Variants in KCNT2 observed in about 807,000 individuals in gnomAD.
KCNT2 encodes the protein potassium sodium-activated channel subfamily T member 2.
Under a neutral mutation model 153.8 loss-of-function variants are expected in KCNT2, and 67 were observed. That is an observed-to-expected ratio of 0.44 (90% CI 0.36 to 0.53). The LOEUF (loss-of-function observed/expected upper bound fraction) is 0.53. Among genes scored for constraint, KCNT2 ranks in the 20% least tolerant of loss-of-function variants. KCNT2 has a pLI of 0.00. For missense variants in KCNT2, 975 were observed against 1,354.8 expected (o/e 0.72, Z 4.40); for synonymous variants, 500 against 458.8 (o/e 1.09, Z -1.15).
chr1:196,339,000 T>C (rs1665326669), intron 16 of KCNT2, among the ~76,000 whole-genome samples: 1 of 141,452 alleles, frequency 7.1e-6, no homozygotes, highest in African/African-American at 2.7e-5. Flanking sequence ...CGGTGTTGAA[T>C]GACTGAATGA....
At chr1:196,278,685 A>T (rs1658805863) in intron 25 of KCNT2, among the ~76,000 whole-genome samples, 1 of 152,164 alleles carries the variant, frequency 6.6e-6, no homozygotes, top group Non-Finnish European at 1.5e-5. Context: ...ATGGACATGG[A>T]GTTGACCAAG....
chr1:196,425,856 C>A lies in KCNT2; in HGVS notation c.1117G>T (p.Ala373Ser). The A allele has an allele frequency of 6.2e-7, 1 of 1,611,890 alleles. No homozygotes were observed. Among genetic ancestry groups the A allele is most frequent in the Non-Finnish European group, 8.5e-7 (1 of 1,178,690 alleles). ...SALKDQDLLRAKMDDAEACFI... is the reference protein window; with the variant it reads ...SALKDQDLLRSKMDDAEACFI... The stretch of plus-strand genomic sequence containing the variant: ...ATGAAAGGCAGGGATACCTACTTTG[C>A]TCTCAATAGGTCTTGATCTTTAAGG... Residue 373 changes from alanine to serine, a missense_variant, in exon 11 of 28, where the codon GCA becomes TCA. Around this residue, in one of 6 missense-constraint regions of KCNT2, gnomAD observed 202 missense variants for 314.9 expected, o/e 0.64. Transcript: ENST00000294725.
intron 13 of KCNT2, among the ~76,000 whole-genome samples, chr1:196,393,496 A>C (rs1283987611): frequency 6.6e-6 from 1 of 151,654 alleles, no homozygotes; most frequent in Non-Finnish European, 1.5e-5. Flanking sequence ...GATTAACTGG[A>C]GAGCGCAGTT....
At chr1:196,481,195 A>C (rs1167412916) in intron 4 of KCNT2, among the ~76,000 whole-genome samples, 1 of 152,178 alleles carries the variant, frequency 6.6e-6, no homozygotes. Context: ...ATCACAATGC[A>C]CACATACTTA....
chr1:196,430,882 T>TA (rs1674092028), intron 8 of KCNT2, among the ~76,000 whole-genome samples: 1 of 152,110 alleles, frequency 6.6e-6, no homozygotes, highest in Admixed American at 6.6e-5. Context: ...AATCAGTGTA[T>TA]AATTGCTATG....
intron 1 of KCNT2, among the ~76,000 whole-genome samples, chr1:196,531,000 T>A (rs1340500079): frequency 6.6e-6 from 1 of 152,086 alleles, no homozygotes; most frequent in African/African-American, 2.4e-5. Flanking sequence ...GAAGGATGAA[T>A]CAGAAGCCAA....
intron 22 of KCNT2, among the ~76,000 whole-genome samples, chr1:196,293,121 A>G (rs1230875920): frequency 2.0e-5 from 3 of 152,172 alleles, no homozygotes; most frequent in Non-Finnish European, 4.4e-5. Context: ...GAAACTGTAG[A>G]TGACACAAAT....
At chr1:196,269,020 C>G (rs563754593) in intron 25 of KCNT2, among the ~76,000 whole-genome samples, 1 of 152,138 alleles carries the variant, frequency 6.6e-6, no homozygotes, top group African/African-American at 2.4e-5. Flanking sequence ...CATGTCCCAT[C>G]CACTTAGCAC....
chr1:196,400,768 T>C (rs922395418), intron 12 of KCNT2, among the ~76,000 whole-genome samples: 5 of 151,772 alleles, frequency 3.3e-5, no homozygotes, highest in Admixed American at 3.3e-4. Context: ...TAATAAATTG[T>C]CCTTGCATAT....
intron 8 of KCNT2, among the ~76,000 whole-genome samples, chr1:196,464,906 G>C (rs1301017717): frequency 6.6e-6 from 1 of 151,952 alleles, no homozygotes; most frequent in Non-Finnish European, 1.5e-5. Context: ...AGCAGTGATT[G>C]GTAAGGACAG....
intron 1 of KCNT2, among the ~76,000 whole-genome samples, chr1:196,589,277 G>GTA (rs1397071693): frequency 6.6e-6 from 1 of 151,736 alleles, no homozygotes; most frequent in Non-Finnish European, 1.5e-5. Flanking sequence ...GTGTGTGTGT[G>GTA]TGCACACGTG....
At chr1:196,239,661 A>G (rs936383060) in intron 26 of KCNT2, among the ~76,000 whole-genome samples, 2 of 152,184 alleles carry the variant, frequency 1.3e-5, no homozygotes, top group Admixed American at 6.6e-5. Flanking sequence ...GAAAGAGGAT[A>G]ATAGAATTTT....
chr1:196,334,409 T>C (rs1340978537), intron 16 of KCNT2, among the ~76,000 whole-genome samples: 1 of 151,394 alleles, frequency 6.6e-6, no homozygotes, highest in Admixed American at 6.6e-5. Flanking sequence ...ATTCTTTTGT[T>C]GTTGACCATG....
intron 1 of KCNT2, among the ~76,000 whole-genome samples, chr1:196,529,119 A>G (rs1654616639): frequency 6.6e-6 from 1 of 152,158 alleles, no homozygotes; most frequent in Non-Finnish European, 1.5e-5. Context: ...TAATATGTGT[A>G]CTCAACTTTG....
intron 24 of KCNT2, among the ~76,000 whole-genome samples, 154 bp downstream of exon 24, chr1:196,282,119 T>C (rs1023758155): frequency 2.6e-5 from 4 of 152,170 alleles, no homozygotes; most frequent in African/African-American, 9.7e-5. Flanking sequence ...ATGTTTTCCT[T>C]GAAATTTTTA....
rs1172856850 is a variant in KCNT2, at chr1:196,579,488, A to T, written c.95+28727T>A. Among the ~76,000 whole-genome samples the T allele has an allele frequency of 2.0e-5, 3 of 151,996 alleles. No homozygotes were observed. The East Asian group carries it at 5.8e-4, about 30-fold the overall frequency. On this transcript the variant is annotated intron_variant, in intron 1 of 27. Transcript: ENST00000294725. ...CCTAAACCTAAAATAAAAGTGAAAA[A>T]AAAAGTAGAAATTCTTTTTTTTTGA...
At chr1:196,568,624 C>G (rs962608412) in intron 1 of KCNT2, among the ~76,000 whole-genome samples, 3 of 150,984 alleles carry the variant, frequency 2.0e-5, no homozygotes, top group Non-Finnish European at 4.4e-5. Context: ...AAGAAAAACA[C>G]GCCACCACAG....
At chr1:196,232,822 T>G (rs1426477755) in intron 27 of KCNT2, among the ~76,000 whole-genome samples, 7 of 151,470 alleles carry the variant, frequency 4.6e-5, no homozygotes, top group Non-Finnish European at 1.0e-4. Context: ...ACATTTTCTT[T>G]GAACATTCTG....
At chr1:196,600,598 GTTATGGAGCACAACAATAGAAATACAT>G (rs1664617333) in intron 1 of KCNT2, among the ~76,000 whole-genome samples, 1 of 152,160 alleles carries the variant, frequency 6.6e-6, no homozygotes, top group Admixed American at 6.5e-5. Context: ...TGGTTTCTAT[GTTATGGAGCACAACAATAGAAATACAT>G]TTATATTAGA....
Sources: allele counts gnomAD v4.1 joint callset (sites outside exome capture counted in the v4.1 genomes callset), GRCh38; gene constraint gnomAD v4.1.1; regional missense constraint gnomAD v4.1.1; transcripts MANE v1.5; gene names NCBI Gene and HGNC (gene_info 2026-07-23, HGNC 2026-07-21).